The following LARP4 variants were observed in gnomAD, a reference collection of about 807,000 sequenced individuals.
The protein encoded by LARP4 is La ribonucleoprotein 4, also known as la-related protein 4.
In LARP4, 29 loss-of-function variants were observed where a neutral mutation model predicts 92.9. The observed-to-expected ratio is 0.31, with a 90% CI of 0.23 to 0.43. The LOEUF is 0.43. Ranked by LOEUF, LARP4 falls within the 20% of genes least tolerant of loss-of-function variation. LARP4 has a pLI of 1.00. For synonymous variants in LARP4, 279 were observed against 284.1 expected (o/e 0.98, Z 0.18); for missense variants, 732 against 860.0 (o/e 0.85, Z 1.86).
chr12:50,413,900 T>C (rs898848087), intron 1 of LARP4, among the ~76,000 whole-genome samples: 4 of 152,224 alleles, frequency 2.6e-5, no homozygotes, highest in Non-Finnish European at 4.4e-5. Flanking sequence ...GTATATTCTA[T>C]TTTATAGATG....
At chr12:50,435,718 C>A in intron 5 of LARP4, 94 bp downstream of exon 5, 1 of 825,050 alleles carries the variant, frequency 1.2e-6, no homozygotes, top group Admixed American at 3.1e-5. Context: ...TTTACTGCCC[C>A]CTCCCCACAC....
rs542272442 is a variant in LARP4 at position 50,420,519 on chromosome 12, A to G, written c.19-7243A>G. Among the ~76,000 whole-genome samples the G allele has an allele frequency of 1.6e-4, 24 of 152,330 alleles. No individual in the cohort carries two copies. The South Asian group carries it at 4.6e-3, about 29-fold the overall frequency. The stretch of plus-strand genomic sequence containing the variant: ...TCCCAGTTATATCAGATAAAAAACA[A>G]TTTCACACTTAGACTTTTAATGATC... On this transcript the variant is annotated intron_variant, in intron 1 of 15. Transcript: ENST00000398473.
rs376608682 is a variant in LARP4, at chr12:50,479,902, T to C, written c.*4038T>C. On this transcript the variant is annotated 3_prime_UTR_variant, in exon 16 of 16. Coordinates refer to ENST00000398473, the MANE Select transcript of LARP4 (RefSeq NM_052879.5). ...GTGTGACACATGCTCATGCATAAAA[T>C]GTTAAAATGAGTACATCCTTGTATT... The C allele has an allele frequency of 6.6e-6, 1 of 152,584 alleles. No individual in the cohort carries two copies. The highest frequency in any genetic ancestry group is 1.5e-5 in the Non-Finnish European group (1 of 68,030). The allele number at this position is 152,584 out of a possible 1,614,324, so 9.5% of individuals were successfully genotyped here. A position where few individuals can be genotyped will look rare whatever the true frequency, so the allele number is the denominator to read the frequency against.
intron 8 of LARP4, among the ~76,000 whole-genome samples, chr12:50,449,999 T>A (rs1952886745): frequency 7.3e-6 from 1 of 136,432 alleles, no homozygotes; most frequent in Admixed American, 8.5e-5. Context: ...AGTGGCACGA[T>A]CTCAGCTCAC....
chr12:50,432,342 C>A (rs544695479), intron 4 of LARP4, among the ~76,000 whole-genome samples: 3 of 152,256 alleles, frequency 2.0e-5, no homozygotes, highest in South Asian at 4.1e-4. Flanking sequence ...TTGCTTCAAT[C>A]CAATCAGGAA....
Position 50,401,063 on chromosome 12 carries a change from G to C in LARP4, c.18+35G>C, listed in dbSNP as rs1388533744. The C allele has an allele frequency of 2.5e-6, 4 of 1,610,258 alleles. No homozygotes were observed. The Admixed American group carries it at 6.7e-5, about 27-fold the overall frequency. On this transcript the variant is annotated intron_variant, in intron 1 of 15. Transcript: ENST00000398473. Reference sequence around the variant, plus strand: ...TTATGCTAGTCTCGTCCTGCTCTTAGGAGAGCAGGAGTGTAGAGGCGCCGG... The same window carrying C: ...TTATGCTAGTCTCGTCCTGCTCTTACGAGAGCAGGAGTGTAGAGGCGCCGG...
At chr12:50,431,371 A>G (rs575289277) in intron 4 of LARP4, among the ~76,000 whole-genome samples, 22 of 152,324 alleles carry the variant, frequency 1.4e-4, no homozygotes, top group African/African-American at 4.6e-4. Context: ...AACATACTCA[A>G]TTTTGGAATT....
rs549677120 is a variant in LARP4, at chr12:50,450,644, G to T, written c.805-2816G>T. 5.9e-5 allele frequency among the ~76,000 whole-genome samples: 9 copies of T among 152,136 alleles called. No individual in the cohort carries two copies. The South Asian group carries it at 1.9e-3, about 32-fold the overall frequency. ...CTCCCGAGTAGCTGGGATTACAGGTGTGCACCACCATGCCTGGCTAATTTT... is the reference window on the plus strand; with the variant it reads ...CTCCCGAGTAGCTGGGATTACAGGTTTGCACCACCATGCCTGGCTAATTTT... On this transcript the variant is annotated intron_variant, in intron 8 of 15. Coordinates refer to ENST00000398473, the MANE Select transcript of LARP4 (RefSeq NM_052879.5).
chr12:50,473,999 C>A lies in LARP4; in HGVS notation c.1668C>A (p.Ser556Arg). The change falls in exon 15 of 16, where the codon AGC becomes AGA. Residue 556 changes from serine (S) to arginine (R), a missense_variant and splice_region_variant. By Grantham distance (110) the Ser-to-Arg change is moderately radical. Around this residue, in one of 7 missense-constraint regions of LARP4, gnomAD observed 97 missense variants for 85.9 expected, o/e 1.13. Transcript: ENST00000398473. ...TAATTGCAAGCTCTTTTTTCCTTAG[C>A]ACAACTCAGCAAGAAAAGGATCTAA... ...SPCAAELTALSTTQQEKDLIE... is the reference protein window; with the variant it reads ...SPCAAELTALRTTQQEKDLIE... The A allele has an allele frequency of 6.2e-7, 1 of 1,610,304 alleles. No homozygotes were observed. Among genetic ancestry groups the A allele is most frequent in the Non-Finnish European group, 8.5e-7 (1 of 1,179,276 alleles).
At position 50,428,983 on chromosome 12, in the gene LARP4, A is replaced by G; in HGVS notation, c.215A>G (p.Tyr72Cys). Residue 72 changes from tyrosine to cysteine, a missense_variant, in exon 3 of 16, where the codon TAT becomes TGT. By Grantham distance (194) the Tyr-to-Cys change is radical. Transcript: ENST00000398473. ...EDICKEYEVM[Y>C]SSSCETTRNT... is the part of the protein sequence containing the mutation. ...ATATGTAAAGAATATGAAGTAATGTATTCTTCATCTTGTGAAACCACAAGA... is the reference window on the plus strand; with the variant it reads ...ATATGTAAAGAATATGAAGTAATGTGTTCTTCATCTTGTGAAACCACAAGA... 2 of 1,600,858 alleles carry G rather than the reference A, an allele frequency of 1.2e-6. No homozygotes were observed. Among genetic ancestry groups the G allele is most frequent in the Non-Finnish European group, 1.7e-6 (2 of 1,168,862 alleles).
At chr12:50,449,537 G>A (rs1442503913) in intron 8 of LARP4, among the ~76,000 whole-genome samples, 5 of 152,010 alleles carry the variant, frequency 3.3e-5, no homozygotes, top group Non-Finnish European at 7.4e-5. Context: ...CATGCATTTT[G>A]GTAGCAAGAG....
intron 1 of LARP4, 42 bp from the exon 2 acceptor site, chr12:50,427,718 GCT>G (rs146185295): frequency 0.024 from 31,954 of 1,331,440 alleles, 511 homozygotes; most frequent in Non-Finnish European, 0.029. Context: ...TAATTTTCAT[GCT>G]CTGATTTTAA....
chr12:50,443,691 A>C (rs1951587577), intron 8 of LARP4, among the ~76,000 whole-genome samples: 1 of 152,122 alleles, frequency 6.6e-6, no homozygotes, highest in Admixed American at 6.5e-5. Context: ...AGCTCAATGC[A>C]ACCTCCACCT....
intron 13 of LARP4, among the ~76,000 whole-genome samples, 167 bp from the exon 14 acceptor site, chr12:50,473,248 T>TA (rs1957133647): frequency 6.6e-6 from 1 of 152,218 alleles, no homozygotes; most frequent in South Asian, 2.1e-4. Context: ...TGTCTTTTTT[T>TA]TAATTATAAC....
intron 8 of LARP4, among the ~76,000 whole-genome samples, chr12:50,445,890 C>T (rs1593179296): frequency 6.6e-6 from 1 of 152,086 alleles, no homozygotes; most frequent in Admixed American, 6.5e-5. Context: ...TGCAGTCTGA[C>T]ATCTGGGTCA....
At chr12:50,465,948 GA>G (rs1177702052) in intron 12 of LARP4, among the ~76,000 whole-genome samples, 13 of 152,196 alleles carry the variant, frequency 8.5e-5, no homozygotes, top group African/African-American at 3.1e-4. Context: ...TAACCAAATG[GA>G]AACCATCAAA....
rs1428362167 is a variant in LARP4 at position 50,400,908 on chromosome 12, G to A, written c.-103G>A. On this transcript the variant is annotated 5_prime_UTR_variant, in exon 1 of 16. Transcript: ENST00000398473. ...GGAGCCGGGTCCACTGCCGGGTGGA[G>A]GGGCAAGGCGAGTGTGTGTCCTTAT... 7 of 1,524,502 alleles carry A rather than the reference G, an allele frequency of 4.6e-6. No individual in the cohort carries two copies. 94.4% of individuals were successfully genotyped at this position (1,524,502 alleles called of 1,614,324 possible).
chr12:50,475,625 G>T lies in LARP4; in HGVS notation c.1936G>T (p.Val646Leu). The T allele has an allele frequency of 2.5e-6, 4 of 1,614,046 alleles. No individual in the cohort carries two copies. Among genetic ancestry groups the T allele is most frequent in the Non-Finnish European group, 2.5e-6 (3 of 1,180,022 alleles). ...QPLRELRSNV[V>L]SPTKNEDNGA... Reference sequence around the variant, plus strand: ...ACTACGGGAACTTCGCTCCAATGTGGTGTCTCCCACCAAAAATGAAGACAA... The same window carrying T: ...ACTACGGGAACTTCGCTCCAATGTGTTGTCTCCCACCAAAAATGAAGACAA... Residue 646 changes from valine to leucine, a missense_variant, in exon 16 of 16, where the codon GTG becomes TTG. By Grantham distance (32) the Val-to-Leu change is conservative (BLOSUM62 1). Around this residue, in one of 7 missense-constraint regions of LARP4, gnomAD observed 115 missense variants for 129.1 expected, o/e 0.89. Coordinates refer to ENST00000398473, the MANE Select transcript of LARP4 (RefSeq NM_052879.5).
At position 50,440,492 on chromosome 12, in the gene LARP4, G is replaced by A; in HGVS notation, c.693G>A (p.Glu231=). The change falls in exon 7 of 16, where the codon GAG becomes GAA. Residue 231 remains glutamate (E), a synonymous_variant. Coordinates refer to ENST00000398473, the MANE Select transcript of LARP4 (RefSeq NM_052879.5). ...SENCPKVISC[E]FAHNSNWYIT... The stretch of plus-strand genomic sequence containing the variant: ...ACTGCCCCAAAGTGATAAGCTGTGA[G>A]TTTGCACACAATAGCAACTGGTATA... The A allele has an allele frequency of 1.2e-6, 2 of 1,614,028 alleles. No homozygotes were observed. The highest frequency in any genetic ancestry group is 1.3e-5 in the African/African-American group (1 of 75,036).
Sources: gnomAD v4.1 joint callset for allele counts (sites outside exome capture counted in the v4.1 genomes callset) on GRCh38, gnomAD v4.1.1 for gene constraint, gnomAD v4.1.1 regional missense constraint, MANE v1.5 for transcripts, NCBI Gene and HGNC (gene_info 2026-07-23, HGNC 2026-07-21) for gene names.